Variants in NPSR1 observed in about 807,000 individuals in gnomAD.
The protein encoded by NPSR1 is neuropeptide S receptor 1, also known as neuropeptide S receptor.
NPSR1 carries 48 observed loss-of-function variants against 46.9 expected under a neutral mutation model. The ratio of observed to expected loss-of-function variants is 1.02; its 90% CI spans 0.81 to 1.30. The LOEUF (loss-of-function observed/expected upper bound fraction) is 1.30. Ranked by LOEUF, NPSR1 falls within the 50% of genes most tolerant of loss-of-function variation. NPSR1 has a pLI of 0.00. For synonymous variants in NPSR1, 176 were observed against 168.1 expected (o/e 1.05, Z -0.36); for missense variants, 450 against 449.5 (o/e 1.00, Z -0.01).
intron 3 of NPSR1, among the ~76,000 whole-genome samples, chr7:34,787,080 G>A (rs1787498643): frequency 1.3e-5 from 2 of 152,128 alleles, no homozygotes; most frequent in Non-Finnish European, 2.9e-5. Context: ...AGAAGCGCTA[G>A]ATGGCATCTT....
At chr7:34,809,704 C>A (rs984176958) in intron 3 of NPSR1, among the ~76,000 whole-genome samples, 5 of 152,034 alleles carry the variant, frequency 3.3e-5, no homozygotes, top group Non-Finnish European at 5.9e-5. Flanking sequence ...ACCTCGTGAT[C>A]CACCCGCCTC....
chr7:34,851,759 C>G (rs188913531), downstream of NPSR1, among the ~76,000 whole-genome samples: 40 of 152,248 alleles, frequency 2.6e-4, no homozygotes, highest in African/African-American at 9.6e-4. Flanking sequence ...AGTAGAGTCT[C>G]AAAGTGAAGG....
intron 2 of NPSR1, among the ~76,000 whole-genome samples, chr7:34,742,192 G>A (rs1784977030): frequency 1.3e-5 from 2 of 150,804 alleles, no homozygotes; most frequent in African/African-American, 4.9e-5. Context: ...TTAGGTTTGG[G>A]GGTGCATGTG....
At chr7:34,701,915 C>T (rs1793848900) in intron 2 of NPSR1, among the ~76,000 whole-genome samples, 2 of 152,142 alleles carry the variant, frequency 1.3e-5, no homozygotes, top group Non-Finnish European at 2.9e-5. Context: ...TTGGTCTTTT[C>T]TTTATTGAGT....
chr7:34,709,025 T>G (rs1794251555), intron 2 of NPSR1, among the ~76,000 whole-genome samples: 1 of 152,184 alleles, frequency 6.6e-6, no homozygotes, highest in Non-Finnish European at 1.5e-5. Context: ...ACCAGCTTGA[T>G]CTTCCTTTTG....
At chr7:34,700,532 G>A (rs1793773085) in intron 2 of NPSR1, among the ~76,000 whole-genome samples, 1 of 152,160 alleles carries the variant, frequency 6.6e-6, no homozygotes, top group Admixed American at 6.5e-5. Flanking sequence ...ATTAGCATTA[G>A]TCATTAGAGG....
At chr7:34,878,315 G>T in exon 9 of NPSR1, 1 of 516,342 alleles carries the variant, frequency 1.9e-6, no homozygotes, top group East Asian at 3.2e-5. Context: ...CACCAGGGAG[G>T]GCTATAAGAA....
At chr7:34,692,736 A>T (rs1288538198) in intron 2 of NPSR1, among the ~76,000 whole-genome samples, 4 of 152,206 alleles carry the variant, frequency 2.6e-5, no homozygotes, top group African/African-American at 7.2e-5. Flanking sequence ...ATTGAGATTT[A>T]AAAAAAGATA....
At chr7:34,751,500 C>T (rs1324067977) in intron 2 of NPSR1, 25 of 1,410,478 alleles carry the variant, frequency 1.8e-5, no homozygotes, top group Non-Finnish European at 2.0e-5. Context: ...CATCTGCTGC[C>T]CCAACCAGCC....
chr7:34,700,757 G>C (rs1021723800), intron 2 of NPSR1, among the ~76,000 whole-genome samples: 2 of 152,148 alleles, frequency 1.3e-5, no homozygotes, highest in Non-Finnish European at 2.9e-5. Flanking sequence ...CCTATGAAAA[G>C]TGACAATTTC....
At chr7:34,822,156 G>A (rs1789588218) in intron 4 of NPSR1, among the ~76,000 whole-genome samples, 1 of 152,190 alleles carries the variant, frequency 6.6e-6, no homozygotes, top group Non-Finnish European at 1.5e-5. Context: ...GGTGAGGGCA[G>A]CCGGTGAGAA....
chr7:34,836,640 A>G (rs73094712), intron 6 of NPSR1, among the ~76,000 whole-genome samples: 18,578 of 151,320 alleles, frequency 0.12, 1,412 homozygotes, highest in South Asian at 0.17. Flanking sequence ...AAAGAAAGAA[A>G]GAAAGAGAAA....
chr7:34,818,039 T>G (rs1333645358), intron 4 of NPSR1, among the ~76,000 whole-genome samples: 2 of 151,924 alleles, frequency 1.3e-5, no homozygotes, highest in Non-Finnish European at 2.9e-5. Context: ...ACCACTCCTA[T>G]TCAACATAGT....
At chr7:34,797,831 C>T (rs1788249808) in intron 3 of NPSR1, among the ~76,000 whole-genome samples, 1 of 152,120 alleles carries the variant, frequency 6.6e-6, no homozygotes, top group African/African-American at 2.4e-5. Context: ...TTTCCTCTGA[C>T]TTATCAGAAA....
intron 2 of NPSR1, among the ~76,000 whole-genome samples, chr7:34,698,956 T>C (rs998286015): frequency 1.3e-5 from 2 of 152,136 alleles, no homozygotes; most frequent in African/African-American, 4.8e-5. Flanking sequence ...ATGGAAAGTG[T>C]AACCCATATA....
intron 1 of NPSR1, among the ~76,000 whole-genome samples, chr7:34,664,860 A>G (rs948168295): frequency 6.6e-6 from 1 of 152,188 alleles, no homozygotes; most frequent in South Asian, 2.1e-4. Flanking sequence ...ACCCAAGGTC[A>G]TGAGGAAGTT....
At chr7:34,832,887 G>A (rs1335137899) in intron 5 of NPSR1, among the ~76,000 whole-genome samples, 5 of 152,124 alleles carry the variant, frequency 3.3e-5, no homozygotes, top group Non-Finnish European at 5.9e-5. Context: ...CCCTGTTCTA[G>A]CAAATAGTCA....
chr7:34,842,325 A>T (rs1226839320), intron 6 of NPSR1, among the ~76,000 whole-genome samples: 1 of 152,212 alleles, frequency 6.6e-6, no homozygotes. Flanking sequence ...CCAAGATCCC[A>T]TCCTAGAAAT....
intron 8 of NPSR1, among the ~76,000 whole-genome samples, chr7:34,875,759 A>T (rs563845771): frequency 8.2e-4 from 125 of 152,308 alleles, no homozygotes; most frequent in South Asian, 1.4e-3. Context: ...TTGGAATGAC[A>T]TACCCAATTC....
Sources: allele counts gnomAD v4.1 joint callset (sites outside exome capture counted in the v4.1 genomes callset), GRCh38; gene constraint gnomAD v4.1.1; transcripts MANE v1.5; gene names NCBI Gene and HGNC (gene_info 2026-07-23, HGNC 2026-07-21).